Variants in TYW3 observed in about 807,000 individuals in gnomAD.
TYW3 encodes tRNA wybutosine-synthesizing protein 3 homolog.
TYW3 carries 26 observed loss-of-function variants against 23.1 expected under a neutral mutation model. The observed-to-expected ratio is 1.13, with a 90% confidence interval of 0.83 to 1.56. TYW3 has a LOEUF of 1.56. Among genes scored for constraint, TYW3 ranks in the 40% most tolerant of loss-of-function variants. The pLI is 0.00. For synonymous variants in TYW3, 102 were observed against 105.7 expected, an observed-to-expected ratio of 0.97 and a Z score of 0.21; for missense variants, 316 against 311.9, an observed-to-expected ratio of 1.01 and a Z score of -0.10.
rs1397054081 is a variant in TYW3, at chr1:74,752,277, G to A, written c.427-15G>A. 2.5e-6 allele frequency: 4 copies of A among 1,581,456 alleles called. No individual in the cohort carries two copies. In the Admixed American group the frequency reaches 7.3e-5, roughly 29 times the overall value. On this transcript the variant is annotated splice_polypyrimidine_tract_variant and intron_variant, in intron 4 of 5. Transcript: ENST00000370867. ...GTATCTAAGTCTTCATATCTAAATT[G>A]TTTTTTCCTTGTAGGCTGTCCGGAG...
rs1439949254 is a variant in TYW3 at position 74,747,826 on chromosome 1, TA to T, written c.355-924del. Among the ~76,000 whole-genome samples, 208 of 151,576 alleles carry T rather than the reference TA, an allele frequency of 1.4e-3. 2 individuals carry two copies. Among genetic ancestry groups the T allele is most frequent in the African/African-American group, 4.9e-3 (204 of 41,414 alleles). On this transcript the variant is annotated intron_variant, in intron 3 of 5. Transcript: ENST00000370867. ...ATATGTGTACACACATATGTATATA[TA>T]TGGGTGCGTATATATGTGTATACAC...
chr1:74,733,508 T>C (rs1647995435), intron 1 of TYW3, 90 bp downstream of exon 1: 7 of 1,526,760 alleles, frequency 4.6e-6, no homozygotes, highest in Non-Finnish European at 4.4e-6. Flanking sequence ...GGATCCAGCA[T>C]GTCTGTGTTT....
In TYW3 at chr1:74,738,674, C is replaced by T; in HGVS notation, c.256-16C>T. 1 of 1,581,686 alleles carries T rather than the reference C, an allele frequency of 6.3e-7. No homozygotes were observed. Among genetic ancestry groups the T allele is most frequent in the African/African-American group, 1.3e-5 (1 of 74,654 alleles). The stretch of plus-strand genomic sequence containing the variant: ...GGCCATATACTTGCATCTGATACCA[C>T]TGTTCATTTATTTAGATTGTAGCTC... On this transcript the variant is annotated splice_polypyrimidine_tract_variant and intron_variant, in intron 2 of 5. Transcript: ENST00000370867.
At chr1:74,734,203 T>A (rs1435272679) in intron 1 of TYW3, 3 of 152,216 alleles carry the variant, frequency 2.0e-5, no homozygotes, top group African/African-American at 7.2e-5. Flanking sequence ...AATTGCATGC[T>A]GTTCTGAGTA....
chr1:74,759,263 C>A (rs1054291004), intron 5 of TYW3, among the ~76,000 whole-genome samples: 5 of 152,028 alleles, frequency 3.3e-5, no homozygotes, highest in Admixed American at 6.6e-5. Context: ...TCAGACATGG[C>A]AGCAGGTTGG....
At chr1:74,755,973 C>G (rs767499430) in intron 5 of TYW3, among the ~76,000 whole-genome samples, 11 of 152,086 alleles carry the variant, frequency 7.2e-5, no homozygotes. Flanking sequence ...GTGCATAAGT[C>G]TCACAAGATC....
At chr1:74,737,706 C>T (rs1271095373) in intron 2 of TYW3, among the ~76,000 whole-genome samples, 2 of 152,190 alleles carry the variant, frequency 1.3e-5, no homozygotes, top group Admixed American at 1.3e-4. Context: ...CCGCAGGATA[C>T]ACTGTAACAT....
At chr1:74,745,360 C>T (rs533341601) in intron 3 of TYW3, among the ~76,000 whole-genome samples, 15 of 152,272 alleles carry the variant, frequency 9.9e-5, no homozygotes, top group African/African-American at 3.6e-4. Flanking sequence ...GCTGATTGGT[C>T]CATTTTACAG....
intron 3 of TYW3, among the ~76,000 whole-genome samples, chr1:74,739,088 T>C (rs1648261137): frequency 6.6e-6 from 1 of 152,164 alleles, no homozygotes; most frequent in Admixed American, 6.5e-5. Flanking sequence ...TAAGAAAAAA[T>C]ACTGTGGAAC....
At chr1:74,740,842 T>C (rs1648328618) in intron 3 of TYW3, among the ~76,000 whole-genome samples, 1 of 152,248 alleles carries the variant, frequency 6.6e-6, no homozygotes, top group Non-Finnish European at 1.5e-5. Flanking sequence ...TTGGTGCATT[T>C]GCAGTCCTCT....
chr1:74,733,643 T>TA, intron 1 of TYW3: 1 of 830,592 alleles, frequency 1.2e-6, no homozygotes, highest in Non-Finnish European at 1.4e-6. Flanking sequence ...TCCCGATTCT[T>TA]TAAGTGTAGG....
chr1:74,752,219 G>A lies in TYW3; in HGVS notation c.427-73G>A, dbSNP rs796471178. 2.2e-5 allele frequency: 33 copies of A among 1,466,746 alleles called. No individual in the cohort carries two copies. The Admixed American group carries it at 5.2e-4, about 23-fold the overall frequency. The allele number at this position is 1,466,746 out of a possible 1,614,324, so 90.9% of individuals were successfully genotyped here. The stretch of plus-strand genomic sequence containing the variant: ...AAGTATGTTCAAACACAGCCCTGAC[G>A]GGACTTTTCTTGAGTTATTTTCAGT... On this transcript the variant is annotated intron_variant, in intron 4 of 5. Transcript: ENST00000370867.
chr1:74,759,698 CA>C (rs200033733), intron 5 of TYW3, among the ~76,000 whole-genome samples: 1,548 of 152,288 alleles, frequency 0.01, 18 homozygotes, highest in Non-Finnish European at 0.015. Flanking sequence ...GGCTGGAGTA[CA>C]GTGGCATGAT....
chr1:74,744,091 C>G (rs575176834), intron 3 of TYW3, among the ~76,000 whole-genome samples: 1 of 151,998 alleles, frequency 6.6e-6, no homozygotes, highest in Non-Finnish European at 1.5e-5. Flanking sequence ...TTGCTTGTTT[C>G]CTTCTGGGAG....
At position 74,752,281 on chromosome 1, in the gene TYW3, T is replaced by C; in HGVS notation, c.427-11T>C. On this transcript the variant is annotated splice_polypyrimidine_tract_variant and intron_variant, in intron 4 of 5. Transcript: ENST00000370867. ...CTAAGTCTTCATATCTAAATTGTTT[T>C]TTCCTTGTAGGCTGTCCGGAGTACA... 1 of 1,582,134 alleles carries C rather than the reference T, an allele frequency of 6.3e-7. No individual in the cohort carries two copies. Among genetic ancestry groups the C allele is most frequent in the Non-Finnish European group, 8.6e-7 (1 of 1,166,110 alleles).
intron 3 of TYW3, 68 bp downstream of exon 3, chr1:74,738,856 C>G: frequency 8.6e-7 from 1 of 1,160,436 alleles, no homozygotes; most frequent in Non-Finnish European, 1.3e-6. Flanking sequence ...AAGCTTTTAA[C>G]CTGCTATAAA....
At chr1:74,763,456 GATTA>G (rs1346742129) in intron 5 of TYW3, among the ~76,000 whole-genome samples, 5 of 152,120 alleles carry the variant, frequency 3.3e-5, no homozygotes, top group South Asian at 4.2e-4. Flanking sequence ...TAGGTATATG[GATTA>G]ATTAATAAAT....
In TYW3 at chr1:74,733,274, G is replaced by A; in HGVS notation, c.30G>A (p.Trp10Ter). 6.2e-7 allele frequency: 1 copy of A among 1,614,202 alleles called. No homozygotes were observed. Among genetic ancestry groups the A allele is most frequent in the South Asian group, 1.1e-5 (1 of 91,078 alleles). MDRSAEFRK[W>*]KAQCLSKADL... ...ATCGCAGCGCGGAGTTCAGGAAATG[G>A]AAGGCGCAATGTTTGAGCAAAGCGG... The change falls in exon 1 of 6, where the codon TGG becomes TGA. Residue 10 changes from tryptophan (W) to a stop codon, truncating the protein, a stop_gained. Coordinates refer to ENST00000370867, the MANE Select transcript of TYW3 (RefSeq NM_138467.3). LOFTEE classifies it high-confidence loss of function.
intron 3 of TYW3, among the ~76,000 whole-genome samples, chr1:74,744,301 C>G (rs1446638243): frequency 6.6e-6 from 1 of 151,936 alleles, no homozygotes; most frequent in Non-Finnish European, 1.5e-5. Flanking sequence ...GATCAAGCTG[C>G]AGGATAGTAT....
Sources: allele counts gnomAD v4.1 joint callset (sites outside exome capture counted in the v4.1 genomes callset), GRCh38; gene constraint gnomAD v4.1.1; transcripts MANE v1.5; gene names NCBI Gene and HGNC (gene_info 2026-07-23, HGNC 2026-07-21).